The following ZMYM1 variants were observed in gnomAD, a reference collection of about 807,000 sequenced individuals.
The protein encoded by ZMYM1 is zinc finger MYM-type protein 1.
A neutral mutation model predicts 60.0 loss-of-function variants in ZMYM1; 39 were observed. The ratio of observed to expected loss-of-function variants is 0.65; its 90% CI spans 0.50 to 0.85. The LOEUF (loss-of-function observed/expected upper bound fraction) is 0.85. Among genes scored for constraint, ZMYM1 ranks in the 40% least tolerant of loss-of-function variants. The pLI, the probability that ZMYM1 is intolerant of heterozygous loss-of-function variation, is 0.00. For synonymous variants in ZMYM1, 413 were observed against 454.0 expected (o/e 0.91, Z 1.15); for missense variants, 1,171 against 1,309.5 (o/e 0.89, Z 1.63).
At chr1:35,078,244 C>T (rs572768124), upstream of ZMYM1, among the ~76,000 whole-genome samples, 7 of 152,218 alleles carry the variant, frequency 4.6e-5, no homozygotes, top group East Asian at 1.3e-3. Flanking sequence ...GAGGCTAATT[C>T]CAAAGGATAT....
Position 35,110,466 on chromosome 1 carries a change from T to C in ZMYM1, c.961+19T>C, listed in dbSNP as rs1374404680. On this transcript the variant is annotated intron_variant, in intron 7 of 9. Transcript: ENST00000359858. ...TCTTCAGGTAATGTTTGTTTAGCAA[T>C]TGTAGGGGTTTAGTAATTATTAATA... 1 of 1,431,520 alleles carries C rather than the reference T, an allele frequency of 7.0e-7. No homozygotes were observed. Among genetic ancestry groups the C allele is most frequent in the East Asian group, 2.6e-5 (1 of 38,260 alleles). The allele number at this position is 1,431,520 out of a possible 1,614,324, so 88.7% of individuals were successfully genotyped here. A position where few individuals can be genotyped will look rare whatever the true frequency, so the allele number is the denominator to read the frequency against.
chr1:35,095,785 CTA>C, intron 2 of ZMYM1, 32 bp from the exon 3 acceptor site: 1 of 1,466,194 alleles, frequency 6.8e-7, no homozygotes, highest in Non-Finnish European at 9.3e-7. Context: ...ATTGTATTCA[CTA>C]TTTTTAATTA....
chr1:35,072,133 T>C (rs901366584), intron 1 of ZMYM1, among the ~76,000 whole-genome samples: 8 of 152,154 alleles, frequency 5.3e-5, no homozygotes, highest in Non-Finnish European at 8.8e-5. Context: ...AAACTCCATG[T>C]CAAAAAATAA....
chr1:35,113,241 A>G lies in ZMYM1; in HGVS notation c.1411A>G (p.Lys471Glu). ...AGATTTTGAGTGTTTGGAAAACAGT[A>G]AAAAAGATGTGGCATTCTGTTATTC... ...CADFECLENS[K>E]KDVAFCYSCQ... is the part of the protein sequence containing the mutation. Residue 471 changes from lysine to glutamate, a missense_variant, in exon 10 of 10, where the codon AAA becomes GAA. Physicochemically the swap from Lys to Glu is moderately conservative, Grantham distance 56. Coordinates refer to ENST00000359858, the MANE Select transcript of ZMYM1 (RefSeq NM_024772.5). 6.2e-7 allele frequency: 1 copy of G among 1,613,294 alleles called. No homozygotes were observed. The highest frequency in any genetic ancestry group is 8.5e-7 in the Non-Finnish European group (1 of 1,179,286).
intron 1 of ZMYM1, among the ~76,000 whole-genome samples, chr1:35,066,862 C>T (rs1641980877): frequency 6.6e-6 from 1 of 152,108 alleles, no homozygotes; most frequent in Non-Finnish European, 1.5e-5. Context: ...AAAAAAATCT[C>T]AGCAGAATTT....
At chr1:35,074,833 C>A (rs1642138618), upstream of ZMYM1, among the ~76,000 whole-genome samples, 1 of 149,576 alleles carries the variant, frequency 6.7e-6, no homozygotes, top group African/African-American at 2.5e-5. Context: ...TATTGGGGTG[C>A]TCTGGTGTTG....
intron 4 of ZMYM1, among the ~76,000 whole-genome samples, chr1:35,100,408 G>A (rs1643580259): frequency 6.6e-6 from 1 of 151,852 alleles, no homozygotes; most frequent in South Asian, 2.1e-4. Flanking sequence ...AATCACTGGA[G>A]GTCAGGAGTT....
chr1:35,072,505 C>G (rs1355589542), intron 1 of ZMYM1, among the ~76,000 whole-genome samples: 1 of 101,470 alleles, frequency 9.9e-6, no homozygotes, highest in Non-Finnish European at 1.9e-5. Context: ...ACCAACTCTT[C>G]ATTTTATTGA....
At chr1:35,085,034 T>TTTTTG in intron 1 of ZMYM1, among the ~76,000 whole-genome samples, 1 of 151,824 alleles carries the variant, frequency 6.6e-6, no homozygotes, top group East Asian at 1.9e-4. Flanking sequence ...ATTTATCCGT[T>TTTTTG]TTTTGTTTTG....
At chr1:35,069,151 A>T (rs752251226) in intron 1 of ZMYM1, among the ~76,000 whole-genome samples, 2 of 152,120 alleles carry the variant, frequency 1.3e-5, no homozygotes, top group Non-Finnish European at 2.9e-5. Flanking sequence ...TCTATTTTTA[A>T]TATTTTGAGG....
chr1:35,062,021 G>A (rs1231389529), intron 1 of ZMYM1, among the ~76,000 whole-genome samples: 1 of 151,794 alleles, frequency 6.6e-6, no homozygotes, highest in East Asian at 2.0e-4. Context: ...TAATAGAGAT[G>A]GGGTTTCACC....
At chr1:35,088,805 C>CTTTTTTTTTTTT (rs375136566) in intron 1 of ZMYM1, among the ~76,000 whole-genome samples, 2 of 119,614 alleles carry the variant, frequency 1.7e-5, no homozygotes, top group Non-Finnish European at 1.6e-5. Flanking sequence ...GGATGCTTTC[C>CTTTTTTTTTTTT]TTTTTTTTTT....
intron 4 of ZMYM1, among the ~76,000 whole-genome samples, chr1:35,099,655 A>C (rs1557679418): frequency 6.6e-6 from 1 of 152,176 alleles, no homozygotes; most frequent in Admixed American, 6.6e-5. Context: ...AGCCTTTTAC[A>C]TAAATTTTAG....
intron 4 of ZMYM1, among the ~76,000 whole-genome samples, chr1:35,101,865 T>C (rs894086076): frequency 7.9e-5 from 12 of 152,188 alleles, no homozygotes; most frequent in African/African-American, 1.9e-4. Flanking sequence ...ATATTTTCTA[T>C]AGTGGCTGTT....
At chr1:35,061,030 G>A (rs1290147551) in intron 1 of ZMYM1, among the ~76,000 whole-genome samples, 2 of 152,206 alleles carry the variant, frequency 1.3e-5, no homozygotes, top group Non-Finnish European at 2.9e-5. Flanking sequence ...ACCTGCCATG[G>A]CCTTGAGCCC....
In ZMYM1 at chr1:35,064,922, G is replaced by A. The variant is rs1338119094; in HGVS notation, c.-301+4997G>A. Among the ~76,000 whole-genome samples the A allele has an allele frequency of 2.6e-5, 4 of 152,128 alleles. No homozygotes were observed. In the East Asian group the frequency reaches 7.7e-4, roughly 29 times the overall value. On this transcript the variant is annotated intron_variant, in intron 1 of 10. Transcript: ENST00000417119. ...TATCTCCTGACCTCGTGATCCGCCTGCCTCGGCCTCCCAAAGTGCTGGGCT... is the reference window on the plus strand; with the variant it reads ...TATCTCCTGACCTCGTGATCCGCCTACCTCGGCCTCCCAAAGTGCTGGGCT...
In ZMYM1 at chr1:35,110,521, C is replaced by G. The variant is rs1304024025; in HGVS notation, c.961+74C>G. On this transcript the variant is annotated intron_variant, in intron 7 of 9. Coordinates refer to ENST00000359858, the MANE Select transcript of ZMYM1 (RefSeq NM_024772.5). The stretch of plus-strand genomic sequence containing the variant: ...ATATTATTTGACTTTAATTTATAAC[C>G]TTGATTCATTTTCAAATTAAACCGA... 4 of 1,169,970 alleles carry G rather than the reference C, an allele frequency of 3.4e-6. No individual in the cohort carries two copies. In the Admixed American group the frequency reaches 1.3e-4, roughly 38 times the overall value. The allele number at this position is 1,169,970 out of a possible 1,614,324, so 72.5% of individuals were successfully genotyped here. A position where few individuals can be genotyped will look rare whatever the true frequency, so the allele number is the denominator to read the frequency against.
At chr1:35,091,767 A>G (rs1190932203) in intron 1 of ZMYM1, among the ~76,000 whole-genome samples, 13 of 151,534 alleles carry the variant, frequency 8.6e-5, no homozygotes, top group Non-Finnish European at 1.5e-5. Flanking sequence ...ACTGTGGCAC[A>G]TGCCTGTGGT....
chr1:35,064,292 C>CAAAAAAAA (rs371084383), intron 1 of ZMYM1, among the ~76,000 whole-genome samples: 60 of 54,376 alleles, frequency 1.1e-3, no homozygotes, highest in East Asian at 1.9e-3. Context: ...GATCCTGTCT[C>CAAAAAAAA]AAAAAAAAAA....
Sources: gnomAD v4.1 joint callset for allele counts (sites outside exome capture counted in the v4.1 genomes callset) on GRCh38, gnomAD v4.1.1 for gene constraint, MANE v1.5 for transcripts, NCBI Gene and HGNC (gene_info 2026-07-23, HGNC 2026-07-21) for gene names.